The following PCDH9 variants were observed in gnomAD, a reference collection of about 807,000 sequenced individuals.
PCDH9 encodes protocadherin 9, also known as protocadherin-9.
PCDH9 carries 24 observed loss-of-function variants against 70.6 expected under a neutral mutation model. The observed-to-expected ratio is 0.34, with a 90% CI of 0.25 to 0.48. The LOEUF (loss-of-function observed/expected upper bound fraction) is 0.48, where lower values mean the gene tolerates loss of function less well. Among genes scored for constraint, PCDH9 ranks in the 20% least tolerant of loss-of-function variants. The pLI, the probability that PCDH9 is intolerant of heterozygous loss-of-function variation, is 0.99. For synonymous variants in PCDH9, 562 were observed against 558.5 expected (o/e 1.01, Z -0.09); for missense variants, 1,281 against 1,503.6 (o/e 0.85, Z 2.45).
At chr13:66,720,639 T>C (rs2078930732) in intron 3 of PCDH9, among the ~76,000 whole-genome samples, 1 of 152,116 alleles carries the variant, frequency 6.6e-6, no homozygotes, top group African/African-American at 2.4e-5. Flanking sequence ...TGCTATAAAA[T>C]GCAAAGTTAA....
chr13:66,866,947 C>A (rs2081586937), intron 3 of PCDH9, among the ~76,000 whole-genome samples: 1 of 151,528 alleles, frequency 6.6e-6, no homozygotes, highest in Non-Finnish European at 1.5e-5. Flanking sequence ...CATATTATTA[C>A]TGGAAAACCA....
intron 3 of PCDH9, among the ~76,000 whole-genome samples, chr13:66,764,009 G>C (rs1235585987): frequency 6.6e-6 from 1 of 151,830 alleles, no homozygotes. Context: ...ATGTTGGCCA[G>C]GCTCGTTTGA....
chr13:66,620,695 C>CT (rs956350941), intron 4 of PCDH9, among the ~76,000 whole-genome samples: 1,970 of 147,310 alleles, frequency 0.013, 34 homozygotes, highest in African/African-American at 0.043. Context: ...ATCAGTGTTC[C>CT]TTTTTTTTTT....
intron 3 of PCDH9, among the ~76,000 whole-genome samples, chr13:66,720,332 T>TG (rs1189395942): frequency 2.0e-5 from 3 of 149,668 alleles, no homozygotes; most frequent in East Asian, 3.9e-4. Flanking sequence ...TTTTGTTTTT[T>TG]TTTTTTTTTT....
At chr13:66,367,478 C>T (rs1014174223) in intron 4 of PCDH9, among the ~76,000 whole-genome samples, 2 of 152,116 alleles carry the variant, frequency 1.3e-5, no homozygotes, top group Admixed American at 1.3e-4. Flanking sequence ...CAGGCTCAAT[C>T]GTAAAACCAA....
At position 66,559,817 on chromosome 13, in the gene PCDH9, A is replaced by AATAT. The variant is rs1555306267; in HGVS notation, c.3340+71389_3340+71392dup. On this transcript the variant is annotated intron_variant, in intron 4 of 4. Coordinates refer to ENST00000377865, the MANE Select transcript of PCDH9 (RefSeq NM_203487.3). ...TCCATCTCAAAAAAAAAAAAAAAAA[A>AATAT]ATATATATATATATATACACACACA... Among the ~76,000 whole-genome samples the AATAT allele has an allele frequency of 8.8e-4, 82 of 93,110 alleles. 1 individual carries two copies. Among genetic ancestry groups the AATAT allele is most frequent in the East Asian group, 2.6e-3 (7 of 2,728 alleles). The allele number at this position is 93,110 out of a possible 152,430, so 61.1% of individuals were successfully genotyped here.
intron 4 of PCDH9, among the ~76,000 whole-genome samples, chr13:66,504,201 T>C (rs902579398): frequency 6.6e-6 from 1 of 152,270 alleles, no homozygotes; most frequent in African/African-American, 2.4e-5. Context: ...TAAAAACGTC[T>C]ACTGAACCCA....
chr13:66,357,715 C>A (rs1328791811), intron 4 of PCDH9, among the ~76,000 whole-genome samples: 1 of 151,960 alleles, frequency 6.6e-6, no homozygotes, highest in Non-Finnish European at 1.5e-5. Context: ...CAATTATGAT[C>A]AATGTTTCTT....
chr13:66,502,341 A>G (rs1959181018), intron 4 of PCDH9, among the ~76,000 whole-genome samples: 1 of 152,138 alleles, frequency 6.6e-6, no homozygotes, highest in Non-Finnish European at 1.5e-5. Flanking sequence ...ATTTTGACTC[A>G]TGTTTAATTC....
chr13:67,100,292 T>C (rs1022230419), intron 2 of PCDH9, among the ~76,000 whole-genome samples: 1 of 152,202 alleles, frequency 6.6e-6, no homozygotes, highest in African/African-American at 2.4e-5. Context: ...AAAGAGGTAA[T>C]TTACTGAGTG....
At chr13:67,041,664 T>A (rs1229221154) in intron 2 of PCDH9, among the ~76,000 whole-genome samples, 1 of 151,810 alleles carries the variant, frequency 6.6e-6, no homozygotes, top group African/African-American at 2.4e-5. Context: ...ACCCCGTCTC[T>A]ACTAAAAATA....
At chr13:66,976,919 A>T (rs1482245641) in intron 2 of PCDH9, among the ~76,000 whole-genome samples, 1 of 152,158 alleles carries the variant, frequency 6.6e-6, no homozygotes, top group Non-Finnish European at 1.5e-5. Context: ...AAATCATAAA[A>T]TCAGGCTTCT....
At chr13:66,982,994 T>A (rs564044814) in intron 2 of PCDH9, among the ~76,000 whole-genome samples, 224 of 152,326 alleles carry the variant, frequency 1.5e-3, no homozygotes, top group African/African-American at 5.3e-3. Context: ...AGCTTCTTTA[T>A]GTTTGTCAAG....
intron 2 of PCDH9, among the ~76,000 whole-genome samples, chr13:67,057,558 A>G (rs572668178): frequency 6.6e-6 from 1 of 152,200 alleles, no homozygotes; most frequent in South Asian, 2.1e-4. Context: ...ACTCACAGAA[A>G]ATCACCTATA....
At chr13:66,855,257 A>G (rs2139464795) in intron 3 of PCDH9, among the ~76,000 whole-genome samples, 1 of 152,246 alleles carries the variant, frequency 6.6e-6, no homozygotes, top group Admixed American at 6.5e-5. Flanking sequence ...CATGAGAAAG[A>G]TGTCATTTCT....
At chr13:66,703,948 C>T (rs1012529641) in intron 3 of PCDH9, among the ~76,000 whole-genome samples, 24 of 152,026 alleles carry the variant, frequency 1.6e-4, no homozygotes, top group African/African-American at 5.6e-4. Context: ...TTGGTAAAAT[C>T]TTTGTAGCCA....
chr13:67,039,000 G>C (rs889385906), intron 2 of PCDH9, among the ~76,000 whole-genome samples: 1 of 152,088 alleles, frequency 6.6e-6, no homozygotes, highest in Admixed American at 6.6e-5. Flanking sequence ...GAGGAGAGGG[G>C]GTCAGGAGAT....
At chr13:66,585,528 A>C (rs1858651507) in intron 4 of PCDH9, among the ~76,000 whole-genome samples, 1 of 152,124 alleles carries the variant, frequency 6.6e-6, no homozygotes. Context: ...ATGTTGCTTT[A>C]AAAATATTAT....
At chr13:66,429,384 C>T (rs1354310935) in intron 4 of PCDH9, among the ~76,000 whole-genome samples, 4 of 149,330 alleles carry the variant, frequency 2.7e-5, no homozygotes, top group African/African-American at 9.8e-5. Flanking sequence ...ACAAAAATCT[C>T]TGGTGTGATT....
Sources: gnomAD v4.1 joint callset for allele counts (sites outside exome capture counted in the v4.1 genomes callset) on GRCh38, gnomAD v4.1.1 for gene constraint, MANE v1.5 for transcripts, NCBI Gene and HGNC (gene_info 2026-07-23, HGNC 2026-07-21) for gene names.